Variants in STXBP4 observed in about 807,000 individuals in gnomAD.
STXBP4 encodes syntaxin-binding protein 4.
A neutral mutation model predicts 76.1 loss-of-function variants in STXBP4; 55 were observed. That is an observed-to-expected ratio of 0.72 (90% CI 0.58 to 0.91). STXBP4 has a LOEUF of 0.91. Ranked by LOEUF, STXBP4 falls within the 40% of genes least tolerant of loss-of-function variation. The pLI, the probability that STXBP4 is intolerant of heterozygous loss-of-function variation, is 0.00. For synonymous variants in STXBP4, 201 were observed against 220.2 expected (o/e 0.91, Z 0.77); for missense variants, 618 against 636.9 (o/e 0.97, Z 0.32).
Position 55,000,865 on chromosome 17 carries a change from G to A in STXBP4, c.556G>A (p.Val186Met). 1 of 1,607,880 alleles carries A rather than the reference G, an allele frequency of 6.2e-7. No individual in the cohort carries two copies. The change falls in exon 7 of 18, where the codon GTG becomes ATG. Residue 186 changes from valine (V) to methionine (M), a missense_variant. Coordinates refer to ENST00000376352, the MANE Select transcript of STXBP4 (RefSeq NM_178509.6). ...TCCAATTACTTCAGAAAACAGTACT[G>A]TGGGTTTGTCTAATACAGGTAAATA... The part of the protein sequence containing the change: ...QIPITSENST[V>M]GLSNTDVASA...
intron 15 of STXBP4, among the ~76,000 whole-genome samples, chr17:55,079,547 C>T (rs2079230409): frequency 6.9e-6 from 1 of 144,944 alleles, no homozygotes; most frequent in Admixed American, 7.1e-5. Flanking sequence ...CACTTGAGCC[C>T]AGGAGTTTGA....
chr17:55,032,300 C>T (rs1598235993), intron 9 of STXBP4, among the ~76,000 whole-genome samples: 1 of 151,954 alleles, frequency 6.6e-6, no homozygotes, highest in Admixed American at 6.6e-5. Context: ...ATTTTTCATC[C>T]CATCTCCACT....
At chr17:55,007,357 G>GA (rs892448714) in intron 7 of STXBP4, 149 bp from the exon 8 acceptor site, 219 of 629,942 alleles carry the variant, frequency 3.5e-4, no homozygotes, top group South Asian at 3.9e-4. Context: ...AAAAAGAAAA[G>GA]AAAAAAAAAT....
At chr17:54,980,986 T>C (rs1244305290) in intron 1 of STXBP4, among the ~76,000 whole-genome samples, 1 of 152,130 alleles carries the variant, frequency 6.6e-6, no homozygotes, top group Non-Finnish European at 1.5e-5. Context: ...TTAGTCAATA[T>C]TAGTGTTAGT....
chr17:55,064,216 T>A (rs919114064), intron 12 of STXBP4, among the ~76,000 whole-genome samples: 1 of 152,182 alleles, frequency 6.6e-6, no homozygotes, highest in Admixed American at 6.5e-5. Flanking sequence ...TCTGTAACCA[T>A]GGATTTGAAA....
chr17:55,147,460 G>A (rs1052187127), intron 17 of STXBP4, among the ~76,000 whole-genome samples: 3 of 152,136 alleles, frequency 2.0e-5, no homozygotes, highest in Non-Finnish European at 4.4e-5. Flanking sequence ...GTACCACTAC[G>A]AGTCCATGGC....
intron 8 of STXBP4, among the ~76,000 whole-genome samples, chr17:55,012,888 G>C (rs1482327571): frequency 6.6e-6 from 1 of 152,176 alleles, no homozygotes; most frequent in African/African-American, 2.4e-5. Flanking sequence ...ATTATTTGTT[G>C]ACAGTTATAT....
the STXBP4 span, among the ~76,000 whole-genome samples, chr17:55,205,427 A>G: frequency 6.6e-6 from 1 of 152,182 alleles, no homozygotes; most frequent in South Asian, 2.1e-4. Context: ...AGTAAAAACA[A>G]ATGACAGATT....
At chr17:55,054,197 A>G (rs2078895680) in intron 12 of STXBP4, among the ~76,000 whole-genome samples, 1 of 152,186 alleles carries the variant, frequency 6.6e-6, no homozygotes. Flanking sequence ...TATGGTTCAC[A>G]GTGAATTGGC....
intron 8 of STXBP4, among the ~76,000 whole-genome samples, chr17:55,020,685 G>T (rs574406267): frequency 4.6e-5 from 7 of 152,216 alleles, no homozygotes; most frequent in Non-Finnish European, 8.8e-5. Context: ...AGGCATGGTG[G>T]CATGCACCTG....
chr17:55,051,471 T>A (rs1391581233), intron 12 of STXBP4, among the ~76,000 whole-genome samples: 1 of 152,166 alleles, frequency 6.6e-6, no homozygotes, highest in Non-Finnish European at 1.5e-5. Flanking sequence ...TTTATTGTTT[T>A]AGTGGTGGGG....
chr17:55,113,715 C>T (rs1173513356), intron 16 of STXBP4, among the ~76,000 whole-genome samples: 2 of 152,096 alleles, frequency 1.3e-5, no homozygotes, highest in East Asian at 3.8e-4. Flanking sequence ...CTGCTCATAA[C>T]CCACCATGGA....
chr17:55,103,295 A>T lies in STXBP4; in HGVS notation c.1489+22112A>T, dbSNP rs549561739. Among the ~76,000 whole-genome samples, 10 of 152,184 alleles carry T rather than the reference A, an allele frequency of 6.6e-5. No individual in the cohort carries two copies. In the South Asian group the frequency reaches 2.1e-3, roughly 32 times the overall value. On this transcript the variant is annotated intron_variant, in intron 16 of 17. Coordinates refer to ENST00000376352, the MANE Select transcript of STXBP4 (RefSeq NM_178509.6). ...TATTTAAGTCTTTAATCCATCTTGA[A>T]TTAATTTTTGTATAAGGTGTAAGGA... is the stretch of plus-strand genomic sequence containing the variant.
At chr17:55,189,868 A>G in the STXBP4 span, among the ~76,000 whole-genome samples, 1 of 152,226 alleles carries the variant, frequency 6.6e-6, no homozygotes, top group Non-Finnish European at 1.5e-5. Flanking sequence ...GCCTTGCCCC[A>G]CAGTACCTCT....
At chr17:55,013,330 C>A (rs1820518806) in intron 8 of STXBP4, among the ~76,000 whole-genome samples, 1 of 152,210 alleles carries the variant, frequency 6.6e-6, no homozygotes, top group African/African-American at 2.4e-5. Context: ...TTCTTTAGGG[C>A]CTGGAAAGCC....
intron 13 of STXBP4, among the ~76,000 whole-genome samples, chr17:55,074,594 A>C (rs1411951035): frequency 6.6e-6 from 1 of 152,162 alleles, no homozygotes; most frequent in African/African-American, 2.4e-5. Flanking sequence ...CTTTCAAGAA[A>C]GTTCACATGA....
At chr17:55,008,186 G>T (rs989972249) in intron 8 of STXBP4, among the ~76,000 whole-genome samples, 14 of 151,260 alleles carry the variant, frequency 9.3e-5, no homozygotes, top group Non-Finnish European at 2.1e-4. Flanking sequence ...AGGTTACCAG[G>T]GATCTGAAGG....
chr17:55,207,678 AC>A, the STXBP4 span, among the ~76,000 whole-genome samples: 4 of 152,278 alleles, frequency 2.6e-5, no homozygotes, highest in East Asian at 1.9e-4. Context: ...GAATACGGGG[AC>A]CCTTATCACC....
At position 55,160,408 on chromosome 17, in the gene STXBP4, A is replaced by G. The variant is rs1366205444; in HGVS notation, c.*497A>G. The G allele has an allele frequency of 6.5e-6, 1 of 152,750 alleles. No homozygotes were observed. The highest frequency in any genetic ancestry group is 1.5e-5 in the Non-Finnish European group (1 of 68,122). 9.5% of individuals were successfully genotyped at this position (152,750 alleles called of 1,614,324 possible). ...ATTTAGACATCTCATGGGCTGATGA[A>G]TACAGCTGGTATCTTTGTGGAGCTT... On this transcript the variant is annotated 3_prime_UTR_variant, in exon 18 of 18. Coordinates refer to ENST00000376352, the MANE Select transcript of STXBP4 (RefSeq NM_178509.6).
Sources: gnomAD v4.1 joint callset for allele counts (sites outside exome capture counted in the v4.1 genomes callset) on GRCh38, gnomAD v4.1.1 for gene constraint, MANE v1.5 for transcripts, NCBI Gene and HGNC (gene_info 2026-07-23, HGNC 2026-07-21) for gene names.